The following FHOD3 variants were observed in gnomAD, a reference collection of about 807,000 sequenced individuals.
FHOD3 encodes FH1/FH2 domain-containing protein 3.
FHOD3 carries 90 observed loss-of-function variants against 173.0 expected under a neutral mutation model. That is an observed-to-expected ratio of 0.52 (90% confidence interval 0.44 to 0.62). FHOD3 has a LOEUF of 0.62. FHOD3 is among the 20% of genes least tolerant of loss of function. The pLI, the probability that FHOD3 is intolerant of heterozygous loss-of-function variation, is 0.00. For missense variants in FHOD3, 1,945 were observed against 2,034.7 expected, an observed-to-expected ratio of 0.96 and a Z score of 0.85; for synonymous variants, 828 against 823.0, an observed-to-expected ratio of 1.01 and a Z score of -0.10.
At chr18:36,469,615 A>C (rs762317065) in intron 3 of FHOD3, among the ~76,000 whole-genome samples, 1 of 152,128 alleles carries the variant, frequency 6.6e-6, no homozygotes. Context: ...ATCAGCTATC[A>C]CTCGACCAAG....
Position 36,718,483 on chromosome 18 carries a change from A to G in FHOD3, c.3185A>G (p.Asn1062Ser), listed in dbSNP as rs750678797. 26 of 1,612,856 alleles carry G rather than the reference A, an allele frequency of 1.6e-5. No individual in the cohort carries two copies. Among genetic ancestry groups the G allele is most frequent in the Non-Finnish European group, 1.9e-5 (23 of 1,179,930 alleles). Residue 1062 changes from asparagine (N) to serine (S), a missense_variant, in exon 19 of 29, where the codon AAC becomes AGC. Asn to Ser is a conservative substitution (Grantham distance 46, BLOSUM62 1). Coordinates refer to ENST00000590592, the MANE Select transcript of FHOD3 (RefSeq NM_001281740.3). ...TTGGTTCCTCCTCCTCCAGTGTTCAACGCTCCTCAGGGCTTAGGGTGGTCC... is the reference window on the plus strand; with the variant it reads ...TTGGTTCCTCCTCCTCCAGTGTTCAGCGCTCCTCAGGGCTTAGGGTGGTCC... ...NLLVPPPPVF[N>S]APQGLGWSQV...
At chr18:36,769,610 G>C (rs1282554037) in intron 28 of FHOD3, among the ~76,000 whole-genome samples, 184 bp downstream of exon 28, 5 of 152,306 alleles carry the variant, frequency 3.3e-5, no homozygotes, top group Non-Finnish European at 5.9e-5. Flanking sequence ...GTGGAGGAGG[G>C]GAGCTGCAGC....
chr18:36,762,922 G>A (rs1015073390), intron 27 of FHOD3, among the ~76,000 whole-genome samples: 3 of 145,600 alleles, frequency 2.1e-5, no homozygotes, highest in African/African-American at 7.5e-5. Context: ...TTATATATGT[G>A]TATTATATAC....
intron 19 of FHOD3, among the ~76,000 whole-genome samples, chr18:36,719,460 A>G (rs1383617222): frequency 6.6e-6 from 1 of 152,214 alleles, no homozygotes; most frequent in East Asian, 1.9e-4. Flanking sequence ...TTTTATATCT[A>G]ATTCCCTACA....
intron 15 of FHOD3, among the ~76,000 whole-genome samples, chr18:36,685,380 T>A (rs2038539264): frequency 6.6e-6 from 1 of 152,154 alleles, no homozygotes; most frequent in Non-Finnish European, 1.5e-5. Flanking sequence ...GAAAAGAAAT[T>A]CAAAAAATAA....
chr18:36,666,557 T>C (rs1422827086), intron 14 of FHOD3, among the ~76,000 whole-genome samples: 2 of 152,228 alleles, frequency 1.3e-5, no homozygotes, highest in African/African-American at 2.4e-5. Flanking sequence ...GCCATTTTAT[T>C]ATTATTTTTG....
At chr18:36,675,170 C>A (rs2037772320) in intron 14 of FHOD3, among the ~76,000 whole-genome samples, 1 of 152,126 alleles carries the variant, frequency 6.6e-6, no homozygotes, top group South Asian at 2.1e-4. Flanking sequence ...CCCCACCCTC[C>A]ATGGCCACCT....
intron 23 of FHOD3, among the ~76,000 whole-genome samples, chr18:36,744,800 C>T (rs532383027): frequency 2.0e-5 from 3 of 152,352 alleles, no homozygotes; most frequent in Admixed American, 2.0e-4. Context: ...TATGTGGACA[C>T]CTGGCTGCCT....
chr18:36,662,346 G>C (rs2036867322), intron 14 of FHOD3, among the ~76,000 whole-genome samples: 1 of 152,194 alleles, frequency 6.6e-6, no homozygotes, highest in Non-Finnish European at 1.5e-5. Context: ...TGCACTGTGA[G>C]TGCTCAGTGG....
At chr18:36,324,680 C>A (rs184417129) in intron 1 of FHOD3, among the ~76,000 whole-genome samples, 12 of 152,288 alleles carry the variant, frequency 7.9e-5, no homozygotes, top group Admixed American at 7.2e-4. Context: ...TGCATACCCA[C>A]CAGAATGGTT....
At chr18:36,395,673 T>C (rs1035515480) in intron 3 of FHOD3, among the ~76,000 whole-genome samples, 12 of 152,228 alleles carry the variant, frequency 7.9e-5, no homozygotes, top group Admixed American at 3.9e-4. Flanking sequence ...ATAACAGATA[T>C]GTGAGTCTGG....
intron 20 of FHOD3, among the ~76,000 whole-genome samples, chr18:36,737,537 A>G (rs1375814644): frequency 6.6e-6 from 1 of 152,162 alleles, no homozygotes; most frequent in Non-Finnish European, 1.5e-5. Context: ...ATCTCTCCAG[A>G]TGCTCAAACT....
chr18:36,566,302 T>A (rs1244527306), intron 5 of FHOD3, among the ~76,000 whole-genome samples: 2 of 152,230 alleles, frequency 1.3e-5, no homozygotes, highest in African/African-American at 4.8e-5. Context: ...AAAACATTTT[T>A]AAAAATTTTA....
intron 18 of FHOD3, among the ~76,000 whole-genome samples, chr18:36,716,376 A>C (rs1183200129): frequency 6.6e-6 from 1 of 152,248 alleles, no homozygotes; most frequent in East Asian, 1.9e-4. Flanking sequence ...AAAGAAAAGA[A>C]GGAGTCAGGA....
chr18:36,635,520 G>GA (rs2034820934), intron 10 of FHOD3, among the ~76,000 whole-genome samples: 1 of 152,188 alleles, frequency 6.6e-6, no homozygotes, highest in Admixed American at 6.5e-5. Context: ...AGTGGAGGGG[G>GA]CCTGACTGAA....
At chr18:36,474,134 A>C (rs1187177218) in intron 3 of FHOD3, among the ~76,000 whole-genome samples, 2 of 152,244 alleles carry the variant, frequency 1.3e-5, no homozygotes, top group African/African-American at 4.8e-5. Flanking sequence ...TATGCATCAT[A>C]GAACAGTAAG....
chr18:36,742,658 C>T, intron 21 of FHOD3, 79 bp from the exon 22 acceptor site: 1 of 1,474,294 alleles, frequency 6.8e-7, no homozygotes, highest in Non-Finnish European at 9.2e-7. Context: ...GTGTGTTATT[C>T]CCTTATACAA....
intron 6 of FHOD3, among the ~76,000 whole-genome samples, chr18:36,593,873 G>A (rs2029871588): frequency 6.6e-6 from 1 of 152,210 alleles, no homozygotes; most frequent in Non-Finnish European, 1.5e-5. Flanking sequence ...AGCTTGGGGT[G>A]GAATGTACAG....
At chr18:36,562,874 G>A (rs17651330) in intron 5 of FHOD3, among the ~76,000 whole-genome samples, 3,519 of 152,316 alleles carry the variant, frequency 0.023, 61 homozygotes, top group Middle Eastern at 0.085. Flanking sequence ...GGTGCTGGAA[G>A]TGAGATCCAA....
Sources: gnomAD v4.1 joint callset for allele counts (sites outside exome capture counted in the v4.1 genomes callset) on GRCh38, gnomAD v4.1.1 for gene constraint, MANE v1.5 for transcripts, NCBI Gene and HGNC (gene_info 2026-07-23, HGNC 2026-07-21) for gene names.